MEIS1: variants seen among roughly 807,000 people sequenced by gnomAD.
MEIS1 encodes the protein Meis homeobox 1.
A neutral mutation model predicts 50.8 loss-of-function variants in MEIS1; 5 were observed. The observed-to-expected ratio is 0.10, with a 90% confidence interval of 0.05 to 0.21. The LOEUF is 0.21. Among genes scored for constraint, MEIS1 ranks in the 10% least tolerant of loss-of-function variants. The pLI is 1.00. For missense variants in MEIS1, 318 were observed against 517.3 expected (o/e 0.61, Z 3.74); for synonymous variants, 176 against 179.3 (o/e 0.98, Z 0.15).
At chr2:66,558,488 T>C (rs1304441624) in intron 9 of MEIS1, among the ~76,000 whole-genome samples, 1 of 152,084 alleles carries the variant, frequency 6.6e-6, no homozygotes, top group East Asian at 1.9e-4. Context: ...TTCCTTTAAG[T>C]GTGTTTCCAT....
intron 7 of MEIS1, among the ~76,000 whole-genome samples, chr2:66,474,640 G>A (rs1023967432): frequency 6.6e-6 from 1 of 152,140 alleles, no homozygotes; most frequent in African/African-American, 2.4e-5. Flanking sequence ...TGGTAAAGTT[G>A]GGTTTTGCTC....
Position 66,439,415 on chromosome 2 carries a change from C to T in MEIS1, c.240-428C>T, listed in dbSNP as rs955499265. ...CCCGAGCCTGGGCTTCGCGCGGCCG[C>T]CTAGGAGGAACCCGCAGGAACCAGC... On this transcript the variant is annotated intron_variant, in intron 2 of 12. Transcript: ENST00000272369. 6 of 1,295,940 alleles carry T rather than the reference C, an allele frequency of 4.6e-6. No homozygotes were observed. The African/African-American group carries it at 6.1e-5, about 13-fold the overall frequency. 80.3% of individuals were successfully genotyped at this position (1,295,940 alleles called of 1,614,324 possible). A position where few individuals can be genotyped will look rare whatever the true frequency, so the allele number is the denominator to read the frequency against.
At position 66,444,994 on chromosome 2, in the gene MEIS1, G is replaced by A. The variant is rs1243371187; in HGVS notation, c.630+1946G>A. ...AGTTATGGGAATTTTTTGGAGGGGG[G>A]AGAGAGAATACAAAAATTAATATAA... is the stretch of plus-strand genomic sequence containing the variant. On this transcript the variant is annotated intron_variant, in intron 6 of 12. Transcript: ENST00000272369. Among the ~76,000 whole-genome samples the A allele has an allele frequency of 3.3e-5, 5 of 152,146 alleles. No individual in the cohort carries two copies. In the East Asian group the frequency reaches 7.7e-4, roughly 23 times the overall value.
At chr2:66,526,904 A>G (rs1366736936) in intron 8 of MEIS1, among the ~76,000 whole-genome samples, 4 of 152,192 alleles carry the variant, frequency 2.6e-5, no homozygotes, top group Non-Finnish European at 5.9e-5. Flanking sequence ...TCTCAGGCCC[A>G]CACCTTGAAG....
At chr2:66,558,394 A>G (rs1675129298) in intron 9 of MEIS1, among the ~76,000 whole-genome samples, 1 of 152,128 alleles carries the variant, frequency 6.6e-6, no homozygotes, top group Non-Finnish European at 1.5e-5. Context: ...GAAATGACTT[A>G]GATGACCATA....
At chr2:66,545,350 T>C (rs1280673654) in intron 8 of MEIS1, among the ~76,000 whole-genome samples, 1 of 152,188 alleles carries the variant, frequency 6.6e-6, no homozygotes, top group Non-Finnish European at 1.5e-5. Context: ...ATATGACACA[T>C]AGTGCCAGTG....
At position 66,446,352 on chromosome 2, in the gene MEIS1, C is replaced by G. The variant is rs149334762; in HGVS notation, c.630+3304C>G. 9.9e-5 allele frequency among the ~76,000 whole-genome samples: 15 copies of G among 152,266 alleles called. No homozygotes were observed. In the East Asian group the frequency reaches 2.5e-3, roughly 26 times the overall value. On this transcript the variant is annotated intron_variant, in intron 6 of 12. Transcript: ENST00000272369. Reference sequence around the variant, plus strand: ...CCTAGGCCGCTTCTATTGCGCGCCACTCCTTGAATCTAAGCATTTTCCACT... The same window carrying G: ...CCTAGGCCGCTTCTATTGCGCGCCAGTCCTTGAATCTAAGCATTTTCCACT...
intron 6 of MEIS1, among the ~76,000 whole-genome samples, chr2:66,454,546 G>A (rs773415424): frequency 1.3e-5 from 2 of 151,836 alleles, no homozygotes; most frequent in African/African-American, 4.8e-5. Context: ...TGTTGCTTTC[G>A]GGATGTTATT....
chr2:66,451,161 G>T (rs568334953), intron 6 of MEIS1, among the ~76,000 whole-genome samples: 1 of 152,180 alleles, frequency 6.6e-6, no homozygotes, highest in East Asian at 1.9e-4. Flanking sequence ...ATTCTTATTT[G>T]TCTTCCCTAG....
At chr2:66,529,831 A>G (rs1042088838) in intron 8 of MEIS1, among the ~76,000 whole-genome samples, 1 of 152,222 alleles carries the variant, frequency 6.6e-6, no homozygotes, top group African/African-American at 2.4e-5. Flanking sequence ...TACATATACA[A>G]TTGAATTCAG....
At chr2:66,556,440 A>C (rs540036110) in intron 9 of MEIS1, among the ~76,000 whole-genome samples, 1 of 152,308 alleles carries the variant, frequency 6.6e-6, no homozygotes, top group East Asian at 1.9e-4. Flanking sequence ...ACTTAGCTCA[A>C]AAATAAATGT....
intron 7 of MEIS1, among the ~76,000 whole-genome samples, chr2:66,498,126 T>G (rs1673455138): frequency 1.3e-5 from 2 of 152,132 alleles, no homozygotes; most frequent in African/African-American, 4.8e-5. Flanking sequence ...AATGGTCATT[T>G]TGGAGCTTTG....
intron 10 of MEIS1, 140 bp from the exon 11 acceptor site, chr2:66,568,525 TTC>T: frequency 2.3e-6 from 1 of 439,698 alleles, no homozygotes; most frequent in South Asian, 5.0e-5. Context: ...TGAGAGAAAT[TTC>T]ACTTTGAATG....
rs1671840326 is a variant in MEIS1 at position 66,437,848 on chromosome 2, G to A, written c.124G>A (p.Gly42Arg). Residue 42 changes from glycine to arginine, a missense_variant, in exon 2 of 13, where the codon GGG (glycine) becomes AGG (arginine). Around this residue, in one of 6 missense-constraint regions of MEIS1, gnomAD observed 100 missense variants for 107.1 expected, o/e 0.93. Transcript: ENST00000272369. ...GCAGCCGGTCCACCACCTGAACCAC[G>A]GGCCTCCTCTGCACTCGCATCAGTA... ...SMQPVHHLNH[G>R]PPLHSHQYPH... 4 of 1,613,704 alleles carry A rather than the reference G, an allele frequency of 2.5e-6. No homozygotes were observed. Among genetic ancestry groups the A allele is most frequent in the South Asian group, 1.1e-5 (1 of 90,994 alleles).
chr2:66,491,282 C>T (rs1673267282), intron 7 of MEIS1, among the ~76,000 whole-genome samples: 1 of 152,114 alleles, frequency 6.6e-6, no homozygotes, highest in Non-Finnish European at 1.5e-5. Flanking sequence ...TCACATTGGC[C>T]CTTTGGCTGT....
chr2:66,514,807 T>TG (rs1480888058), intron 8 of MEIS1, among the ~76,000 whole-genome samples: 14 of 152,188 alleles, frequency 9.2e-5, no homozygotes, highest in Admixed American at 9.2e-4. Context: ...CAAGAGCAAA[T>TG]AGACCTCCAG....
chr2:66,559,694 C>A (rs1397287748), intron 9 of MEIS1, among the ~76,000 whole-genome samples: 1 of 152,140 alleles, frequency 6.6e-6, no homozygotes, highest in Non-Finnish European at 1.5e-5. Flanking sequence ...TGCTAATAAT[C>A]ATTTTAAATC....
intron 8 of MEIS1, among the ~76,000 whole-genome samples, chr2:66,534,516 A>G (rs928990415): frequency 1.3e-5 from 2 of 151,690 alleles, no homozygotes; most frequent in South Asian, 4.2e-4. Context: ...CCTGGGCAAC[A>G]GAGTGAGACT....
At chr2:66,459,052 G>A (rs1672461079) in intron 6 of MEIS1, among the ~76,000 whole-genome samples, 2 of 152,216 alleles carry the variant, frequency 1.3e-5, no homozygotes, top group Admixed American at 1.3e-4. Flanking sequence ...AAAGCAAAGA[G>A]TGAAAGGCTA....
Sources: gnomAD v4.1 joint callset for allele counts (sites outside exome capture counted in the v4.1 genomes callset) on GRCh38, gnomAD v4.1.1 for gene constraint, gnomAD v4.1.1 regional missense constraint, MANE v1.5 for transcripts, NCBI Gene and HGNC (gene_info 2026-07-23, HGNC 2026-07-21) for gene names.